Variants in MMP26 observed in about 807,000 individuals in gnomAD.
The protein encoded by MMP26 is matrix metallopeptidase 26.
Under a neutral mutation model 31.0 loss-of-function variants are expected in MMP26, and 33 were observed. The ratio of observed to expected loss-of-function variants is 1.06; its 90% CI spans 0.81 to 1.42. The LOEUF (loss-of-function observed/expected upper bound fraction) is 1.42, where lower values mean the gene tolerates loss of function less well. MMP26 is among the 40% of genes most tolerant of loss of function. MMP26 has a pLI of 0.00. For synonymous variants in MMP26, 122 were observed against 114.9 expected (o/e 1.06, Z -0.40); for missense variants, 347 against 316.1 (o/e 1.10, Z -0.74).
At chr11:4,886,103 A>T (rs1009058573) in intron 2 of MMP26, among the ~76,000 whole-genome samples, 25 of 152,050 alleles carry the variant, frequency 1.6e-4, no homozygotes, top group Admixed American at 1.5e-3. Context: ...ACTATTTCCT[A>T]TTACTTAACA....
chr11:4,885,010 G>A (rs1384314894), intron 2 of MMP26, among the ~76,000 whole-genome samples: 11 of 151,960 alleles, frequency 7.2e-5, no homozygotes, highest in Admixed American at 7.2e-4. Context: ...CCAGTTTTAT[G>A]GCAGTCATAA....
intron 2 of MMP26, chr11:4,924,484 G>A: frequency 1.2e-6 from 1 of 802,642 alleles, no homozygotes; most frequent in East Asian, 2.6e-5. Flanking sequence ...ACTGGGTGGG[G>A]GCTGATCTAT....
intron 2 of MMP26, among the ~76,000 whole-genome samples, chr11:4,969,522 T>C (rs1363856440): frequency 1.3e-5 from 2 of 152,060 alleles, no homozygotes; most frequent in Non-Finnish European, 2.9e-5. Context: ...TAACCCTTTT[T>C]ATATGACAGG....
chr11:4,815,283 C>CT (rs1849405673), intron 2 of MMP26, among the ~76,000 whole-genome samples: 1 of 152,076 alleles, frequency 6.6e-6, no homozygotes, highest in African/African-American at 2.4e-5. Flanking sequence ...CAGTTCTGTT[C>CT]TTTTTTCCAC....
chr11:4,932,075 C>T (rs920975830), intron 2 of MMP26, among the ~76,000 whole-genome samples: 27 of 152,048 alleles, frequency 1.8e-4, no homozygotes, highest in African/African-American at 6.5e-4. Context: ...GCACTTACTA[C>T]AAACAACTCC....
intron 2 of MMP26, chr11:4,913,103 G>T (rs370390274): frequency 6.6e-6 from 1 of 152,066 alleles, no homozygotes; most frequent in Non-Finnish European, 1.5e-5. Context: ...CCATTCCTTC[G>T]GGGTCTGTGT....
At chr11:4,914,637 T>A in intron 2 of MMP26, 4 of 915,064 alleles carry the variant, frequency 4.4e-6, no homozygotes, top group Non-Finnish European at 6.7e-6. Flanking sequence ...ATGTCTCCTT[T>A]ATTTTATGCA....
At chr11:4,794,801 T>G (rs1473902517) in intron 2 of MMP26, 2 of 152,224 alleles carry the variant, frequency 1.3e-5, no homozygotes, top group African/African-American at 4.8e-5. Context: ...TTCCATAGTT[T>G]GCAGGTCCAG....
At chr11:4,853,294 G>T (rs1850000984) in intron 2 of MMP26, among the ~76,000 whole-genome samples, 1 of 152,162 alleles carries the variant, frequency 6.6e-6, no homozygotes, top group East Asian at 1.9e-4. Context: ...CTTGATTGTG[G>T]TCAACATTTC....
intron 2 of MMP26, chr11:4,907,464 G>T: frequency 6.2e-7 from 1 of 1,613,742 alleles, no homozygotes; most frequent in Admixed American, 1.7e-5. Context: ...ATCCCCATTT[G>T]CCTCATGTAC....
At chr11:4,737,109 T>C (rs1184439068) in intron 1 of MMP26, 1 of 152,206 alleles carries the variant, frequency 6.6e-6, no homozygotes, top group African/African-American at 2.4e-5. Flanking sequence ...ACATGATTAC[T>C]ATGGAAGAAT....
At chr11:4,908,075 G>A (rs754702889) in intron 2 of MMP26, 1 of 1,614,092 alleles carries the variant, frequency 6.2e-7, no homozygotes, top group African/African-American at 1.3e-5. Context: ...GAGGCTTAAG[G>A]CCCTAAATAC....
At chr11:4,881,326 C>G (rs1850459350) in intron 2 of MMP26, among the ~76,000 whole-genome samples, 1 of 152,146 alleles carries the variant, frequency 6.6e-6, no homozygotes, top group African/African-American at 2.4e-5. Flanking sequence ...CAGAGGATAA[C>G]TGATATCTGC....
At chr11:4,972,170 G>T (rs998864222) in intron 2 of MMP26, among the ~76,000 whole-genome samples, 1 of 152,202 alleles carries the variant, frequency 6.6e-6, no homozygotes, top group Non-Finnish European at 1.5e-5. Flanking sequence ...AGAGTAACCA[G>T]ATATGGAGGG....
intron 2 of MMP26, among the ~76,000 whole-genome samples, chr11:4,933,622 T>A (rs1851385936): frequency 1.3e-5 from 2 of 151,894 alleles, no homozygotes; most frequent in Non-Finnish European, 2.9e-5. Flanking sequence ...GTGCACATTG[T>A]GCAGGTTAGT....
At chr11:4,765,036 A>G (rs1410809980) in intron 1 of MMP26, among the ~76,000 whole-genome samples, 1 of 152,188 alleles carries the variant, frequency 6.6e-6, no homozygotes, top group Non-Finnish European at 1.5e-5. Flanking sequence ...TCTTTGTCTC[A>G]AGATTTGGTT....
chr11:4,911,668 A>G (rs1178947521), intron 2 of MMP26, among the ~76,000 whole-genome samples: 1 of 152,106 alleles, frequency 6.6e-6, no homozygotes, highest in Non-Finnish European at 1.5e-5. Flanking sequence ...TCAAATATCT[A>G]ACTCCATCAT....
At chr11:4,708,188 A>C (rs79782116) in intron 1 of MMP26, among the ~76,000 whole-genome samples, 8,921 of 152,206 alleles carry the variant, frequency 0.059, 893 homozygotes, top group African/African-American at 0.2. Flanking sequence ...CTTATCTTCC[A>C]ACTGAGATCC....
rs74052100 is a variant in MMP26 at position 4,769,452 on chromosome 11, C to T, written c.-145+2111C>T. On this transcript the variant is annotated intron_variant, in intron 2 of 7. Transcript: ENST00000380390. ...AGCAAAAGTAGTGGCAATATTAGTA[C>T]TATAGCACGTGTAATCATCAGAAGA... 2.2e-3 allele frequency: 3,472 copies of T among 1,612,494 alleles called. 51 individuals are homozygous for T. The African/African-American group carries it at 0.041, about 19-fold the overall frequency.
Sources: allele counts gnomAD v4.1 joint callset (sites outside exome capture counted in the v4.1 genomes callset), GRCh38; gene constraint gnomAD v4.1.1; transcripts MANE v1.5; gene names NCBI Gene and HGNC (gene_info 2026-07-23, HGNC 2026-07-21).